Variants in ULK2 observed in about 807,000 individuals in gnomAD.
The protein encoded by ULK2 is serine/threonine-protein kinase ULK2.
ULK2 carries 76 observed loss-of-function variants against 127.5 expected under a neutral mutation model. The observed-to-expected ratio is 0.60, with a 90% CI of 0.50 to 0.72. The LOEUF is 0.72. ULK2 is among the 30% of genes least tolerant of loss of function. ULK2 has a pLI of 0.00. For synonymous variants in ULK2, 452 were observed against 461.9 expected (o/e 0.98, Z 0.28); for missense variants, 1,144 against 1,295.9 (o/e 0.88, Z 1.80).
intron 11 of ULK2, 89 bp from the exon 12 acceptor site, chr17:19,825,271 C>T (rs966445584): frequency 1.1e-5 from 12 of 1,074,006 alleles, no homozygotes; most frequent in Non-Finnish European, 1.6e-5. Context: ...ACTACTACAC[C>T]TTTGTGTTCC....
At chr17:19,845,705 T>G (rs2041864636) in intron 6 of ULK2, among the ~76,000 whole-genome samples, 1 of 152,156 alleles carries the variant, frequency 6.6e-6, no homozygotes, top group Non-Finnish European at 1.5e-5. Context: ...TGTGAACAAT[T>G]ATGCTTTTAT....
chr17:19,812,797 C>T (rs556580512), intron 13 of ULK2, among the ~76,000 whole-genome samples: 54 of 152,262 alleles, frequency 3.5e-4, no homozygotes, highest in African/African-American at 1.3e-3. Context: ...ATGCTGCATA[C>T]CTTAAATATA....
chr17:19,864,767 T>C, intron 3 of ULK2, 36 bp downstream of exon 3: 1 of 1,013,350 alleles, frequency 9.9e-7, no homozygotes, highest in East Asian at 3.1e-5. Flanking sequence ...TAAAAAAAAT[T>C]TATTTTAATT....
intron 3 of ULK2, among the ~76,000 whole-genome samples, chr17:19,852,366 A>C (rs2042035984): frequency 7.1e-6 from 1 of 140,040 alleles, no homozygotes; most frequent in Non-Finnish European, 1.6e-5. Context: ...CTAAAAATAC[A>C]AAAAGTTAGC....
At chr17:19,832,873 A>G (rs1158806549) in intron 10 of ULK2, among the ~76,000 whole-genome samples, 1 of 152,186 alleles carries the variant, frequency 6.6e-6, no homozygotes, top group Non-Finnish European at 1.5e-5. Flanking sequence ...CTGTAATCCT[A>G]GCACTTTGGG....
intron 23 of ULK2, 88 bp downstream of exon 23, chr17:19,781,801 T>C (rs1291075675): frequency 2.8e-6 from 4 of 1,408,106 alleles, no homozygotes; most frequent in Non-Finnish European, 3.9e-6. Context: ...TGAGATATGA[T>C]CTTCAGTGGA....
In ULK2 at chr17:19,797,567, G is replaced by A; in HGVS notation, c.1638C>T (p.His546=). 1.9e-6 allele frequency: 3 copies of A among 1,613,922 alleles called. No individual in the cohort carries two copies. Among genetic ancestry groups the A allele is most frequent in the Non-Finnish European group, 2.5e-6 (3 of 1,180,012 alleles). The part of the protein sequence containing the change: ...YQNKQKLRKQ[H]SDPVCPSHTG... ...TATGGGATGGGCACACGGGGTCAGA[G>A]TGCTGTTTTCTGAGCTTCTGCTTGT... The change falls in exon 18 of 27, where the codon CAC becomes CAT. Residue 546 remains histidine, a synonymous_variant. Coordinates refer to ENST00000395544, the MANE Select transcript of ULK2 (RefSeq NM_014683.4).
rs1219545688 is a variant in ULK2, at chr17:19,775,866, T to A, written c.*483A>T. On this transcript the variant is annotated 3_prime_UTR_variant, in exon 27 of 27. Coordinates refer to ENST00000395544, the MANE Select transcript of ULK2 (RefSeq NM_014683.4). ...CACTTCTTCTTAAGCTATTTCTTCC[T>A]GAGCTGTTTAAAGATGCATGCTCAG... The A allele has an allele frequency of 6.5e-6, 1 of 153,186 alleles. No homozygotes were observed. The highest frequency in any genetic ancestry group is 6.5e-5 in the Admixed American group (1 of 15,284). The allele number at this position is 153,186 out of a possible 1,614,324, so 9.5% of individuals were successfully genotyped here.
At position 19,843,235 on chromosome 17, in the gene ULK2, A is replaced by G. The variant is rs1334422299; in HGVS notation, c.544-13T>C. 5 of 1,526,382 alleles carry G rather than the reference A, an allele frequency of 3.3e-6. No homozygotes were observed. The Admixed American group carries it at 1.2e-4, about 36-fold the overall frequency. 94.6% of individuals were successfully genotyped at this position (1,526,382 alleles called of 1,614,324 possible). On this transcript the variant is annotated splice_polypyrimidine_tract_variant and intron_variant, in intron 7 of 26. Transcript: ENST00000395544. Reference sequence around the variant, plus strand: ...TAACCTCAGGAGCCTGGGAACAGAAAAATTTAAGGGGCATGCCGTACGTTA... The same window carrying G: ...TAACCTCAGGAGCCTGGGAACAGAAGAATTTAAGGGGCATGCCGTACGTTA...
chr17:19,784,032 C>A (rs1196880714), intron 21 of ULK2, 127 bp from the exon 22 acceptor site: 4 of 683,664 alleles, frequency 5.9e-6, no homozygotes, highest in Non-Finnish European at 8.5e-6. Flanking sequence ...AACTCACTGA[C>A]CCCCTATGTA....
At chr17:19,796,753 T>TG (rs35294900) in intron 18 of ULK2, among the ~76,000 whole-genome samples, 1 of 152,154 alleles carries the variant, frequency 6.6e-6, no homozygotes, top group Non-Finnish European at 1.5e-5. Flanking sequence ...ATGTCTGTGT[T>TG]GGAGTGCATT....
intron 16 of ULK2, among the ~76,000 whole-genome samples, chr17:19,801,459 T>C (rs1388249153): frequency 6.6e-6 from 1 of 152,132 alleles, no homozygotes; most frequent in African/African-American, 2.4e-5. Flanking sequence ...CATGCGCCTG[T>C]AGTTCCAGCT....
At chr17:19,779,252 C>T (rs894122395) in intron 25 of ULK2, among the ~76,000 whole-genome samples, 75 of 151,978 alleles carry the variant, frequency 4.9e-4, no homozygotes, top group African/African-American at 1.7e-3. Context: ...ATTGGCATGC[C>T]GGGCACAGTG....
chr17:19,862,352 C>T lies in ULK2; in HGVS notation c.225+2451G>A, dbSNP rs151140823. On this transcript the variant is annotated intron_variant, in intron 3 of 26. Coordinates refer to ENST00000395544, the MANE Select transcript of ULK2 (RefSeq NM_014683.4). ...CCTCAGGTGATCCACTTGCCTCAGC[C>T]TCCCAAAGTGTGGATTACAGGCATG... Among the ~76,000 whole-genome samples, 1,187 of 152,264 alleles carry T rather than the reference C, an allele frequency of 7.8e-3. 13 individuals are homozygous for T. The highest frequency in any genetic ancestry group is 0.027 in the African/African-American group (1,118 of 41,550).
intron 3 of ULK2, among the ~76,000 whole-genome samples, chr17:19,854,599 T>C (rs749793783): frequency 3.3e-5 from 5 of 151,908 alleles, no homozygotes; most frequent in Non-Finnish European, 7.4e-5. Context: ...TTCTGGAAAA[T>C]AAGTTGAGTC....
intron 3 of ULK2, among the ~76,000 whole-genome samples, chr17:19,861,947 T>C (rs2042251166): frequency 6.6e-6 from 1 of 152,210 alleles, no homozygotes; most frequent in African/African-American, 2.4e-5. Context: ...GCAATCATAC[T>C]CTACAATCAA....
chr17:19,853,336 C>T (rs1240963518), intron 3 of ULK2, among the ~76,000 whole-genome samples: 1 of 151,734 alleles, frequency 6.6e-6, no homozygotes, highest in Middle Eastern at 3.4e-3. Flanking sequence ...CGGGGTTTTG[C>T]CACGTTGCCC....
chr17:19,805,686 T>C (rs922010236), intron 14 of ULK2, among the ~76,000 whole-genome samples: 3 of 152,160 alleles, frequency 2.0e-5, no homozygotes, highest in Admixed American at 6.5e-5. Flanking sequence ...CAGTGAGATA[T>C]AAGCAGAAGT....
intron 21 of ULK2, 119 bp downstream of exon 21, chr17:19,785,818 T>G: frequency 8.1e-7 from 1 of 1,240,114 alleles, no homozygotes; most frequent in Non-Finnish European, 1.1e-6. Flanking sequence ...ATTTCACTGG[T>G]AAAGAAACTG....
Sources: allele counts gnomAD v4.1 joint callset (sites outside exome capture counted in the v4.1 genomes callset), GRCh38; gene constraint gnomAD v4.1.1; transcripts MANE v1.5; gene names NCBI Gene and HGNC (gene_info 2026-07-23, HGNC 2026-07-21).